PRKAG2: variants seen among roughly 807,000 people sequenced by gnomAD.
The protein encoded by PRKAG2 is 5'-AMP-activated protein kinase subunit gamma-2.
In PRKAG2, 26 loss-of-function variants were observed where a neutral mutation model predicts 69.6. The ratio of observed to expected loss-of-function variants is 0.37; its 90% CI spans 0.27 to 0.52. The LOEUF (loss-of-function observed/expected upper bound fraction) is 0.52. Ranked by LOEUF, PRKAG2 falls within the 20% of genes least tolerant of loss-of-function variation. PRKAG2 has a pLI of 0.90. For synonymous variants in PRKAG2, 293 were observed against 285.0 expected (o/e 1.03, Z -0.28); for missense variants, 557 against 740.0 (o/e 0.75, Z 2.87).
In PRKAG2 at chr7:151,876,819, C is replaced by T. The variant is rs774706269; in HGVS notation, c.-199G>A. ...CCGCCGAAGCGCCGAATTCAAGCGTCCTTTCCTACGGAACCCTCGTAGGCA... is the reference window on the plus strand; with the variant it reads ...CCGCCGAAGCGCCGAATTCAAGCGTTCTTTCCTACGGAACCCTCGTAGGCA... On this transcript the variant is annotated 5_prime_UTR_variant, in exon 1 of 16. Coordinates refer to ENST00000287878, the MANE Select transcript of PRKAG2 (RefSeq NM_016203.4). The T allele has an allele frequency of 1.6e-6, 1 of 639,642 alleles. No homozygotes were observed. Among genetic ancestry groups the T allele is most frequent in the African/African-American group, 1.8e-5 (1 of 54,898 alleles). 39.6% of individuals were successfully genotyped at this position (639,642 alleles called of 1,614,324 possible).
intron 4 of PRKAG2, 22 bp downstream of exon 4, chr7:151,675,398 C>A (rs1425355274): frequency 1.1e-5 from 18 of 1,608,686 alleles, no homozygotes; most frequent in African/African-American, 2.7e-5. Flanking sequence ...GCAGCCCCAC[C>A]CACAGAAGGG....
intron 5 of PRKAG2, among the ~76,000 whole-genome samples, chr7:151,596,465 C>T (rs1182717344): frequency 6.6e-6 from 1 of 152,092 alleles, no homozygotes; most frequent in Admixed American, 6.6e-5. Context: ...AGAATTGAAG[C>T]AGACCAGGTG....
intron 3 of PRKAG2, among the ~76,000 whole-genome samples, chr7:151,762,761 C>T (rs934843759): frequency 2.6e-5 from 4 of 152,194 alleles, no homozygotes; most frequent in African/African-American, 9.7e-5. Context: ...CTGCTAAACA[C>T]TGAGGGGTGG....
At chr7:151,726,371 G>GACACACACAC (rs60238080) in intron 3 of PRKAG2, among the ~76,000 whole-genome samples, 3,671 of 148,332 alleles carry the variant, frequency 0.025, 87 homozygotes, top group African/African-American at 0.054. Context: ...AGGGAGGCAG[G>GACACACACAC]ACACACACAC....
At chr7:151,822,404 C>T (rs994401977) in intron 1 of PRKAG2, among the ~76,000 whole-genome samples, 6 of 152,188 alleles carry the variant, frequency 3.9e-5, no homozygotes, top group East Asian at 1.9e-4. Flanking sequence ...ATGTACCCAG[C>T]GCTGCCTGGG....
At chr7:151,815,803 T>C (rs2078623124) in intron 1 of PRKAG2, among the ~76,000 whole-genome samples, 1 of 152,170 alleles carries the variant, frequency 6.6e-6, no homozygotes, top group Non-Finnish European at 1.5e-5. Flanking sequence ...GGTCCCCATT[T>C]CAGAACCCCG....
chr7:151,781,034 C>G lies in PRKAG2; in HGVS notation c.466+118G>C. ...GGGTGGGGAGAAACAGATACAGGCACTCAGCACCAAGCTGCTCACAGCCAC... is the reference window on the plus strand; with the variant it reads ...GGGTGGGGAGAAACAGATACAGGCAGTCAGCACCAAGCTGCTCACAGCCAC... On this transcript the variant is annotated intron_variant, in intron 3 of 15. Coordinates refer to ENST00000287878, the MANE Select transcript of PRKAG2 (RefSeq NM_016203.4). The surrounding 1 kb of genome is among the most constrained non-coding windows in gnomAD (Gnocchi z 6.1). The G allele has an allele frequency of 7.2e-7, 1 of 1,395,516 alleles. No homozygotes were observed. The highest frequency in any genetic ancestry group is 1.2e-5 in the South Asian group (1 of 85,512). 86.4% of individuals were successfully genotyped at this position (1,395,516 alleles called of 1,614,324 possible). A position where few individuals can be genotyped will look rare whatever the true frequency, so the allele number is the denominator to read the frequency against.
chr7:151,755,010 T>C (rs1297247991), intron 3 of PRKAG2, among the ~76,000 whole-genome samples: 2 of 152,116 alleles, frequency 1.3e-5, no homozygotes, highest in Non-Finnish European at 2.9e-5. Context: ...GGGAGTGCTC[T>C]TGGGCCTGAC....
chr7:151,600,938 G>A (rs574311466), intron 5 of PRKAG2, among the ~76,000 whole-genome samples: 2 of 152,310 alleles, frequency 1.3e-5, no homozygotes, highest in East Asian at 1.9e-4. Flanking sequence ...TTACCTCTGA[G>A]GAAACCGAGG....
At chr7:151,572,740 A>C (rs1807879140) in intron 8 of PRKAG2, 31 bp from the exon 9 acceptor site, 1 of 1,280,534 alleles carries the variant, frequency 7.8e-7, no homozygotes, top group Non-Finnish European at 1.1e-6. Flanking sequence ...ATTTATAAAT[A>C]TACATATACA....
At chr7:151,572,453 C>T (rs910013947) in intron 9 of PRKAG2, 1 of 436,604 alleles carries the variant, frequency 2.3e-6, no homozygotes, top group Non-Finnish European at 4.2e-6. Context: ...CTGAAGGTGT[C>T]CTATACATGT....
Position 151,592,442 on chromosome 7 carries a change from G to A in PRKAG2, c.864+2903C>T, listed in dbSNP as rs141642893. ...AGTCCAGTCGGCCTCTCAAGAGACCGAAGATGGAAGCAGAAAAGCCAAGCC... is the reference window on the plus strand; with the variant it reads ...AGTCCAGTCGGCCTCTCAAGAGACCAAAGATGGAAGCAGAAAAGCCAAGCC... On this transcript the variant is annotated intron_variant, in intron 6 of 15. Coordinates refer to ENST00000287878, the MANE Select transcript of PRKAG2 (RefSeq NM_016203.4). Among the ~76,000 whole-genome samples, 13 of 152,256 alleles carry A rather than the reference G, an allele frequency of 8.5e-5. No homozygotes were observed. In the East Asian group the frequency reaches 2.3e-3, roughly 27 times the overall value.
rs1158771153 is a variant in PRKAG2 at position 151,802,483 on chromosome 7, G to A, written c.115-15942C>T. On this transcript the variant is annotated intron_variant, in intron 1 of 15. Coordinates refer to ENST00000287878, the MANE Select transcript of PRKAG2 (RefSeq NM_016203.4). ...GGAGAGGTCCGTGAAGAAGAAAGGG[G>A]AACTCCACAGGTGGAGGGGAAACCG... is the stretch of plus-strand genomic sequence containing the variant. Among the ~76,000 whole-genome samples, 6 of 152,306 alleles carry A rather than the reference G, an allele frequency of 3.9e-5. No individual in the cohort carries two copies. In the East Asian group the frequency reaches 5.8e-4, roughly 15 times the overall value.
chr7:151,848,908 G>A (rs184205570), intron 1 of PRKAG2, among the ~76,000 whole-genome samples: 133 of 152,304 alleles, frequency 8.7e-4, no homozygotes, highest in Non-Finnish European at 9.6e-4. Context: ...TTGGACTTCC[G>A]TCAGCAGACA....
intron 3 of PRKAG2, among the ~76,000 whole-genome samples, chr7:151,741,950 A>T (rs540211992): frequency 6.6e-6 from 1 of 152,358 alleles, no homozygotes; most frequent in Admixed American, 6.5e-5. Flanking sequence ...AATGCCTACC[A>T]TATGCCAGCT....
In PRKAG2 at chr7:151,575,414, C is replaced by T. The variant is rs537802512; in HGVS notation, c.947-465G>A. Among the ~76,000 whole-genome samples the T allele has an allele frequency of 1.8e-4, 27 of 152,196 alleles. 1 individual carries two copies. Among genetic ancestry groups the T allele is most frequent in the Middle Eastern group, 6.8e-3 (2 of 294 alleles). On this transcript the variant is annotated intron_variant, in intron 7 of 15. Transcript: ENST00000287878. The stretch of plus-strand genomic sequence containing the variant: ...TGACGTGCTAGACACCAGGATGATA[C>T]GGATGAAAAAGACATGAACTTCTTC...
At chr7:151,590,226 G>A (rs1812720611) in intron 6 of PRKAG2, among the ~76,000 whole-genome samples, 1 of 152,192 alleles carries the variant, frequency 6.6e-6, no homozygotes. Context: ...AGTGCGCTGG[G>A]GCCTCTGAGA....
intron 6 of PRKAG2, among the ~76,000 whole-genome samples, chr7:151,588,658 C>A (rs1363506190): frequency 6.6e-6 from 1 of 152,134 alleles, no homozygotes; most frequent in African/African-American, 2.4e-5. Flanking sequence ...CCGCACCCAG[C>A]GATCTGATGG....
At chr7:151,820,355 C>T (rs1000283625) in intron 1 of PRKAG2, among the ~76,000 whole-genome samples, 6 of 152,222 alleles carry the variant, frequency 3.9e-5, no homozygotes, top group Non-Finnish European at 8.8e-5. Context: ...CACCCACTGC[C>T]GTGGGCTCCT....
Sources: gnomAD v4.1 joint callset for allele counts (sites outside exome capture counted in the v4.1 genomes callset) on GRCh38, gnomAD v4.1.1 for gene constraint, Gnocchi (gnomAD v3.1) non-coding constraint, MANE v1.5 for transcripts, NCBI Gene and HGNC (gene_info 2026-07-23, HGNC 2026-07-21) for gene names.